PRKG1: variants seen among roughly 807,000 people sequenced by gnomAD.
PRKG1 encodes the protein protein kinase cGMP-dependent 1, also known as cGMP-dependent protein kinase 1.
In PRKG1, 35 loss-of-function variants were observed where a neutral mutation model predicts 88.1. The observed-to-expected ratio is 0.40, with a 90% CI of 0.30 to 0.53. The LOEUF is 0.53. Ranked by LOEUF, PRKG1 falls within the 20% of genes least tolerant of loss-of-function variation. The pLI, the probability that PRKG1 is intolerant of heterozygous loss-of-function variation, is 0.59. For missense variants in PRKG1, 540 were observed against 839.8 expected, an observed-to-expected ratio of 0.64 and a Z score of 4.41; for synonymous variants, 303 against 292.5, an observed-to-expected ratio of 1.04 and a Z score of -0.37.
At chr10:51,887,696 G>T (rs547358643) in intron 4 of PRKG1, among the ~76,000 whole-genome samples, 1 of 152,048 alleles carries the variant, frequency 6.6e-6, no homozygotes, top group African/African-American at 2.4e-5. Context: ...GCACTTTTTC[G>T]TATACCTACC....
chr10:51,550,840 G>A (rs1409625856), intron 3 of PRKG1, among the ~76,000 whole-genome samples: 1 of 151,864 alleles, frequency 6.6e-6, no homozygotes, highest in Non-Finnish European at 1.5e-5. Context: ...ATCATGCCAA[G>A]TAATCTGACA....
intron 3 of PRKG1, among the ~76,000 whole-genome samples, chr10:51,633,627 G>T (rs1589148299): frequency 1.3e-5 from 2 of 152,156 alleles, no homozygotes; most frequent in African/African-American, 2.4e-5. Context: ...GATTGGTGTG[G>T]TCTGTGGCAA....
At chr10:51,723,750 A>T (rs1181055391) in intron 3 of PRKG1, among the ~76,000 whole-genome samples, 1 of 152,238 alleles carries the variant, frequency 6.6e-6, no homozygotes, top group African/African-American at 2.4e-5. Flanking sequence ...CACACTCCAG[A>T]AGATTAAAAC....
At chr10:52,052,541 G>T (rs1564448452) in intron 5 of PRKG1, among the ~76,000 whole-genome samples, 2 of 152,106 alleles carry the variant, frequency 1.3e-5, no homozygotes, top group African/African-American at 4.8e-5. Flanking sequence ...ACATCCCTAA[G>T]ACTGGGTAAC....
At chr10:51,558,254 T>A (rs1300164016) in intron 3 of PRKG1, among the ~76,000 whole-genome samples, 4 of 152,126 alleles carry the variant, frequency 2.6e-5, no homozygotes, top group Admixed American at 2.0e-4. Context: ...ATGTCAGAAG[T>A]ATATAAATAT....
chr10:51,913,208 C>T (rs1354633441), intron 5 of PRKG1, among the ~76,000 whole-genome samples: 2 of 152,060 alleles, frequency 1.3e-5, no homozygotes, highest in Non-Finnish European at 2.9e-5. Context: ...GGATTACAGG[C>T]GTGAGCCACG....
intron 3 of PRKG1, among the ~76,000 whole-genome samples, chr10:51,749,975 G>A (rs920075944): frequency 9.4e-5 from 13 of 138,064 alleles, no homozygotes; most frequent in African/African-American, 2.2e-4. Flanking sequence ...TTGCTCTGTC[G>A]CCCAGGCTGG....
chr10:51,516,855 T>C lies in PRKG1; in HGVS notation c.592+49019T>C, dbSNP rs531821515. On this transcript the variant is annotated intron_variant, in intron 3 of 17. Transcript: ENST00000373980. ...AAGAGGTTTGTACATTCGTTGAGCT[T>C]ATATTTTAGTGGGGGAGGTAGGCAA... Among the ~76,000 whole-genome samples, 3 of 152,300 alleles carry C rather than the reference T, an allele frequency of 2.0e-5. No individual in the cohort carries two copies. In the South Asian group the frequency reaches 6.2e-4, roughly 32 times the overall value.
In PRKG1 at chr10:51,495,796, G is replaced by C. The variant is rs186152335; in HGVS notation, c.592+27960G>C. On this transcript the variant is annotated intron_variant, in intron 3 of 17. Transcript: ENST00000373980. ...CCGCTGAGTTAAGACAGCATACTTC[G>C]GCCAACATGAACTATAAAAGGAAAG... 1.0e-3 allele frequency among the ~76,000 whole-genome samples: 156 copies of C among 152,250 alleles called. 2 individuals are homozygous for C. The South Asian group carries it at 0.03, about 29-fold the overall frequency.
intron 1 of PRKG1, among the ~76,000 whole-genome samples, chr10:51,058,112 A>G (rs543546931): frequency 3.9e-5 from 6 of 152,126 alleles, no homozygotes; most frequent in African/African-American, 1.4e-4. Flanking sequence ...GAAATGAGCA[A>G]TTTTTCATGT....
At chr10:51,188,699 G>A (rs1589230095) in intron 2 of PRKG1, among the ~76,000 whole-genome samples, 1 of 151,974 alleles carries the variant, frequency 6.6e-6, no homozygotes, top group East Asian at 1.9e-4. Flanking sequence ...ATTCTAGAGG[G>A]TGACTGTGGT....
At chr10:52,023,422 T>G (rs1845241245) in intron 5 of PRKG1, among the ~76,000 whole-genome samples, 1 of 152,330 alleles carries the variant, frequency 6.6e-6, no homozygotes, top group Admixed American at 6.5e-5. Context: ...ATCCTTTGGG[T>G]GTATACCCAG....
At chr10:52,216,084 T>G (rs77913993) in intron 9 of PRKG1, among the ~76,000 whole-genome samples, 1 of 152,196 alleles carries the variant, frequency 6.6e-6, no homozygotes, top group Non-Finnish European at 1.5e-5. Context: ...TTTACTGAAG[T>G]AAGAAGAGAG....
At chr10:51,123,115 C>T (rs528607145) in intron 1 of PRKG1, among the ~76,000 whole-genome samples, 1 of 152,272 alleles carries the variant, frequency 6.6e-6, no homozygotes, top group Middle Eastern at 3.4e-3. Flanking sequence ...TATGCATTCT[C>T]CCTCTGCAAT....
chr10:51,913,855 C>T (rs1842279086), intron 5 of PRKG1, among the ~76,000 whole-genome samples: 1 of 152,072 alleles, frequency 6.6e-6, no homozygotes, highest in Non-Finnish European at 1.5e-5. Flanking sequence ...GTTTTAGGTG[C>T]AAGTATGGAA....
chr10:51,535,632 A>C (rs1842126832), intron 3 of PRKG1, among the ~76,000 whole-genome samples: 1 of 152,172 alleles, frequency 6.6e-6, no homozygotes, highest in African/African-American at 2.4e-5. Flanking sequence ...ATGAGAAGGC[A>C]ACAATCAAGA....
intron 1 of PRKG1, among the ~76,000 whole-genome samples, chr10:51,134,854 T>A (rs529669315): frequency 6.6e-6 from 1 of 152,178 alleles, no homozygotes; most frequent in Admixed American, 6.5e-5. Flanking sequence ...ACTGAAAAAA[T>A]ATTGTTAATC....
intron 3 of PRKG1, among the ~76,000 whole-genome samples, chr10:51,655,037 A>T (rs1047397956): frequency 9.9e-5 from 15 of 152,202 alleles, no homozygotes; most frequent in Admixed American, 2.0e-4. Context: ...ACTCTATACA[A>T]GTGTGTAAAT....
At chr10:51,875,996 G>A (rs1841290421) in intron 4 of PRKG1, among the ~76,000 whole-genome samples, 3 of 150,012 alleles carry the variant, frequency 2.0e-5, no homozygotes, top group Admixed American at 2.0e-4. Context: ...CAATGACACA[G>A]CACCCTTTAC....
Sources: gnomAD v4.1 joint callset for allele counts (sites outside exome capture counted in the v4.1 genomes callset) on GRCh38, gnomAD v4.1.1 for gene constraint, MANE v1.5 for transcripts, NCBI Gene and HGNC (gene_info 2026-07-23, HGNC 2026-07-21) for gene names.